Variants in PCDHA4 observed in about 807,000 individuals in gnomAD.
The protein encoded by PCDHA4 is protocadherin alpha 4, also known as protocadherin alpha-4.
In PCDHA4, 49 loss-of-function variants were observed where a neutral mutation model predicts 61.4. The observed-to-expected ratio is 0.80, with a 90% confidence interval of 0.63 to 1.01. The LOEUF is 1.01. Among genes scored for constraint, PCDHA4 ranks in the 50% least tolerant of loss-of-function variants. The probability of loss-of-function intolerance (pLI) is 0.00; values close to 1 mark genes in which losing one functional copy is unlikely to be tolerated. For synonymous variants in PCDHA4, 590 were observed against 550.3 expected (o/e 1.07, Z -1.01); for missense variants, 1,254 against 1,235.8 (o/e 1.01, Z -0.22).
intron 1 of PCDHA4, chr5:140,836,394 G>T (rs2150259652): frequency 6.2e-7 from 1 of 1,613,796 alleles, no homozygotes; most frequent in East Asian, 2.2e-5. Context: ...GTCGCTGGTG[G>T]AAAGCGGCCA....
Position 140,958,669 on chromosome 5 carries a change from A to G in PCDHA4, c.2386-20280A>G, listed in dbSNP as rs570899981. On this transcript the variant is annotated intron_variant, in intron 1 of 3. Coordinates refer to ENST00000530339, the MANE Select transcript of PCDHA4 (RefSeq NM_018907.4). ...CACAGAAAGCTATGATGAAATTTTA[A>G]TTATAAAGGATATTGAATATCCTAG... Among the ~76,000 whole-genome samples, 3 of 152,316 alleles carry G rather than the reference A, an allele frequency of 2.0e-5. No individual in the cohort carries two copies. In the East Asian group the frequency reaches 5.8e-4, roughly 29 times the overall value.
chr5:140,908,596 T>C (rs1311064984), intron 1 of PCDHA4, among the ~76,000 whole-genome samples: 1 of 152,120 alleles, frequency 6.6e-6, no homozygotes, highest in African/African-American at 2.4e-5. Flanking sequence ...CTGCAGAAGA[T>C]GGAAGGGCCT....
At chr5:140,866,376 CA>C (rs2049320172) in intron 1 of PCDHA4, 1 of 152,074 alleles carries the variant, frequency 6.6e-6, no homozygotes, top group South Asian at 2.1e-4. Flanking sequence ...ACTTCAATAA[CA>C]ATTTTAAAGA....
At chr5:140,836,368 C>G (rs183521691) in intron 1 of PCDHA4, 2 of 1,613,746 alleles carry the variant, frequency 1.2e-6, no homozygotes, top group African/African-American at 1.3e-5. Flanking sequence ...CTGACAGCCA[C>G]AGCCACCGTG....
At chr5:140,907,179 G>A (rs1257591299) in intron 1 of PCDHA4, among the ~76,000 whole-genome samples, 2 of 152,160 alleles carry the variant, frequency 1.3e-5, no homozygotes, top group Non-Finnish European at 2.9e-5. Flanking sequence ...CTGATTCAGA[G>A]CATACACAAC....
At chr5:140,943,380 T>A (rs2093488086) in intron 1 of PCDHA4, among the ~76,000 whole-genome samples, 3 of 151,328 alleles carry the variant, frequency 2.0e-5, no homozygotes, top group Admixed American at 2.0e-4. Context: ...AATATACAGG[T>A]AAGAAATTAT....
chr5:140,875,864 C>G (rs781972677), intron 1 of PCDHA4: 2 of 1,614,168 alleles, frequency 1.2e-6, no homozygotes, highest in South Asian at 1.1e-5. Context: ...GACAACCCGC[C>G]GGTGTTCAGA....
At chr5:140,987,824 G>A (rs1032765154) in intron 3 of PCDHA4, among the ~76,000 whole-genome samples, 1 of 151,972 alleles carries the variant, frequency 6.6e-6, no homozygotes, top group Non-Finnish European at 1.5e-5. Flanking sequence ...TGTTTCCTTA[G>A]GGGATTGCTT....
intron 3 of PCDHA4, among the ~76,000 whole-genome samples, chr5:140,993,418 C>A (rs59434300): frequency 6.6e-5 from 10 of 151,302 alleles, no homozygotes; most frequent in Non-Finnish European, 1.5e-4. Context: ...ATCAGCATTT[C>A]TCTTTTAAAA....
In PCDHA4 at chr5:140,857,592, A is replaced by G. The variant is rs782473553; in HGVS notation, c.2385+48020A>G. On this transcript the variant is annotated intron_variant, in intron 1 of 3. Coordinates refer to ENST00000530339, the MANE Select transcript of PCDHA4 (RefSeq NM_018907.4). ...GTGTCGGTGCACGCGGAGAGCGGCA[A>G]GGTGTACGCGCTGCAGCCGCTGGAC... 5 of 1,596,098 alleles carry G rather than the reference A, an allele frequency of 3.1e-6. No individual in the cohort carries two copies. In the African/African-American group the frequency reaches 6.7e-5, roughly 21 times the overall value.
At chr5:140,923,275 C>CA (rs1328074482) in intron 1 of PCDHA4, among the ~76,000 whole-genome samples, 5 of 152,128 alleles carry the variant, frequency 3.3e-5, no homozygotes, top group African/African-American at 9.7e-5. Flanking sequence ...CTTGTCTCTA[C>CA]AAAAAATTAA....
intron 1 of PCDHA4, chr5:140,836,648 G>A (rs2150266786): frequency 1.4e-5 from 22 of 1,613,364 alleles, no homozygotes; most frequent in Non-Finnish European, 1.8e-5. Flanking sequence ...AGCAGAGGCG[G>A]CAGAGGGTGT....
At chr5:140,839,135 A>C (rs1378372841) in intron 1 of PCDHA4, among the ~76,000 whole-genome samples, 3 of 148,212 alleles carry the variant, frequency 2.0e-5, no homozygotes, top group African/African-American at 5.1e-5. Flanking sequence ...CATTCACATA[A>C]GCAGACCAAG....
chr5:140,903,448 G>T (rs188990837), intron 1 of PCDHA4, among the ~76,000 whole-genome samples: 2 of 152,278 alleles, frequency 1.3e-5, no homozygotes, highest in African/African-American at 2.4e-5. Context: ...GAATTCATCT[G>T]ATCAAACTTA....
intron 1 of PCDHA4, chr5:140,830,271 C>A (rs2150183888): frequency 2.5e-6 from 4 of 1,613,702 alleles, no homozygotes; most frequent in East Asian, 2.2e-5. Flanking sequence ...TCGGCGCCAC[C>A]CACCGAGGGC....
At chr5:140,885,270 A>G (rs251381) in intron 1 of PCDHA4, among the ~76,000 whole-genome samples, 102,023 of 151,894 alleles carry the variant, frequency 0.67, 34,437 homozygotes, top group Middle Eastern at 0.71. Flanking sequence ...ACTCATACAT[A>G]TATATATACA....
At chr5:140,810,596 T>C (rs1298565134) in intron 1 of PCDHA4, 1 of 152,236 alleles carries the variant, frequency 6.6e-6, no homozygotes, top group Non-Finnish European at 1.5e-5. Context: ...TATTTTATTT[T>C]GGCAATTTTT....
At chr5:140,809,651 T>C in intron 1 of PCDHA4, 79 bp downstream of exon 1, 4 of 1,495,674 alleles carry the variant, frequency 2.7e-6, no homozygotes, top group Non-Finnish European at 3.6e-6. Flanking sequence ...TTTCTAAGAG[T>C]CAAATTTCCC....
intron 1 of PCDHA4, chr5:140,883,720 A>C: frequency 6.2e-7 from 1 of 1,613,566 alleles, no homozygotes; most frequent in Non-Finnish European, 8.5e-7. Context: ...ACGCGGACGC[A>C]CAGGAGAACG....
Sources: gnomAD v4.1 joint callset for allele counts (sites outside exome capture counted in the v4.1 genomes callset) on GRCh38, gnomAD v4.1.1 for gene constraint, MANE v1.5 for transcripts, NCBI Gene and HGNC (gene_info 2026-07-23, HGNC 2026-07-21) for gene names.